WDHD1: variants seen among roughly 807,000 people sequenced by gnomAD.
WDHD1 encodes the protein WD repeat and HMG-box DNA binding protein 1.
WDHD1 carries 111 observed loss-of-function variants against 135.4 expected under a neutral mutation model. The ratio of observed to expected loss-of-function variants is 0.82; its 90% CI spans 0.70 to 0.96. WDHD1 has a LOEUF of 0.96. Among genes scored for constraint, WDHD1 ranks in the 40% least tolerant of loss-of-function variants. WDHD1 has a pLI of 0.00. For synonymous variants in WDHD1, 434 were observed against 439.0 expected (o/e 0.99, Z 0.14); for missense variants, 1,351 against 1,336.3 (o/e 1.01, Z -0.17).
rs368129551 is a variant in WDHD1 at position 55,010,488 on chromosome 14, T to G, written c.190-28A>C. ...AAAAGAAAAATTAAGGTAAGAAACA[T>G]TAGCAAAACAAATCCAAATGACTGG... On this transcript the variant is annotated intron_variant, in intron 3 of 25. Transcript: ENST00000360586. 2.2e-4 allele frequency: 338 copies of G among 1,513,600 alleles called. No individual in the cohort carries two copies. The African/African-American group carries it at 4.3e-3, about 19-fold the overall frequency. 93.8% of individuals were successfully genotyped at this position (1,513,600 alleles called of 1,614,324 possible).
At chr14:54,963,838 G>GTGC (rs1180280505) in intron 18 of WDHD1, among the ~76,000 whole-genome samples, 1 of 151,288 alleles carries the variant, frequency 6.6e-6, no homozygotes, top group Non-Finnish European at 1.5e-5. Flanking sequence ...GGGGCCAGGT[G>GTGC]TGCTGGCTCA....
At chr14:55,006,490 T>A (rs1406610514) in intron 7 of WDHD1, among the ~76,000 whole-genome samples, 3 of 152,240 alleles carry the variant, frequency 2.0e-5, no homozygotes, top group African/African-American at 7.2e-5. Flanking sequence ...TGCTTCCAGT[T>A]ACCTTACTAA....
intron 13 of WDHD1, 84 bp from the exon 14 acceptor site, chr14:54,987,471 CA>C: frequency 2.4e-6 from 3 of 1,235,810 alleles, no homozygotes; most frequent in East Asian, 2.6e-5. Flanking sequence ...TGATATTCAA[CA>C]AAAAAACCAA....
At chr14:54,988,891 G>A in intron 13 of WDHD1, 137 bp downstream of exon 13, 5 of 685,784 alleles carry the variant, frequency 7.3e-6, no homozygotes, top group Non-Finnish European at 1.2e-5. Flanking sequence ...TGGGTGTGCT[G>A]GTGTTTGTAC....
intron 11 of WDHD1, among the ~76,000 whole-genome samples, chr14:54,991,892 G>A (rs568048667): frequency 6.6e-6 from 1 of 152,222 alleles, no homozygotes; most frequent in East Asian, 1.9e-4. Flanking sequence ...ACATTTTCTT[G>A]TAAATGAATG....
intron 24 of WDHD1, among the ~76,000 whole-genome samples, chr14:54,946,871 C>T (rs2040935040): frequency 6.6e-6 from 1 of 151,680 alleles, no homozygotes; most frequent in Non-Finnish European, 1.5e-5. Flanking sequence ...TGGCAAACTC[C>T]ATCTCTACCA....
At chr14:54,988,500 C>CA (rs1242667391) in intron 13 of WDHD1, among the ~76,000 whole-genome samples, 1 of 152,084 alleles carries the variant, frequency 6.6e-6, no homozygotes, top group African/African-American at 2.4e-5. Context: ...TGTGTATATA[C>CA]ACCTTTGTCA....
intron 21 of WDHD1, among the ~76,000 whole-genome samples, chr14:54,961,977 C>T (rs999278658): frequency 6.6e-6 from 1 of 152,100 alleles, no homozygotes; most frequent in African/African-American, 2.4e-5. Flanking sequence ...GCTGGGATTA[C>T]AGGCACATAC....
At chr14:54,974,042 G>A (rs1156964888) in intron 16 of WDHD1, among the ~76,000 whole-genome samples, 3 of 151,678 alleles carry the variant, frequency 2.0e-5, no homozygotes, top group South Asian at 2.1e-4. Flanking sequence ...TTTTGATGAC[G>A]ACGGAGTTTC....
intron 24 of WDHD1, among the ~76,000 whole-genome samples, chr14:54,954,417 TACA>T (rs1417747375): frequency 6.6e-6 from 1 of 152,232 alleles, no homozygotes; most frequent in Non-Finnish European, 1.5e-5. Context: ...TATAAAATGA[TACA>T]ACATCAATGC....
In WDHD1 at chr14:55,008,672, TTC is replaced by T. The variant is rs769016883; in HGVS notation, c.387_388del (p.Lys130AsnfsTer6). On this transcript the variant is annotated frameshift_variant, in exon 5 of 26. Transcript: ENST00000360586. LOFTEE classifies it high-confidence loss of function. ...AGGGGCATCATGTCCTCGAAATGTT[TTC>T]TGTTGGCTGCTATCCATCACATCCA... 1 of 1,613,552 alleles carries T rather than the reference TTC, an allele frequency of 6.2e-7. No homozygotes were observed. The highest frequency in any genetic ancestry group is 8.5e-7 in the Non-Finnish European group (1 of 1,179,892).
chr14:54,988,682 T>C (rs1327059431), intron 13 of WDHD1, among the ~76,000 whole-genome samples: 1 of 151,462 alleles, frequency 6.6e-6, no homozygotes, highest in Non-Finnish European at 1.5e-5. Context: ...GAAACTTCTA[T>C]ACTGTATACT....
At chr14:55,002,969 G>C (rs1423295442) in intron 7 of WDHD1, among the ~76,000 whole-genome samples, 1 of 152,002 alleles carries the variant, frequency 6.6e-6, no homozygotes, top group Non-Finnish European at 1.5e-5. Flanking sequence ...AATAAAGACA[G>C]AATCCTTCAA....
At chr14:54,957,922 T>C (rs1309509540) in intron 21 of WDHD1, among the ~76,000 whole-genome samples, 2 of 152,186 alleles carry the variant, frequency 1.3e-5, no homozygotes, top group Non-Finnish European at 2.9e-5. Flanking sequence ...CTAAGGTTAG[T>C]AATCCCTTTA....
chr14:54,995,461 C>CA (rs973635034), intron 11 of WDHD1, 142 bp downstream of exon 11: 16 of 588,998 alleles, frequency 2.7e-5, no homozygotes, highest in Non-Finnish European at 3.8e-5. Context: ...CCTTTTTTAA[C>CA]AAAGTCATTT....
At chr14:54,980,836 C>T (rs2041607551) in intron 16 of WDHD1, among the ~76,000 whole-genome samples, 1 of 136,714 alleles carries the variant, frequency 7.3e-6, no homozygotes, top group African/African-American at 2.9e-5. Context: ...CTCAGCTGGG[C>T]GTGGTGGCTC....
chr14:55,001,482 C>T lies in WDHD1; in HGVS notation c.694-490G>A, dbSNP rs115338846. 5.4e-3 allele frequency among the ~76,000 whole-genome samples: 813 copies of T among 151,946 alleles called. 10 individuals are homozygous for T. The highest frequency in any genetic ancestry group is 0.019 in the African/African-American group (768 of 41,448). On this transcript the variant is annotated intron_variant, in intron 8 of 25. Coordinates refer to ENST00000360586, the MANE Select transcript of WDHD1 (RefSeq NM_007086.4). ...CTTCTTTTGTTGCCCAAGTTGGTTT[C>T]GGATTCCTGGCCTCAAGCAATCCTC...
At chr14:55,004,180 C>T (rs1404682659) in intron 7 of WDHD1, among the ~76,000 whole-genome samples, 1 of 152,090 alleles carries the variant, frequency 6.6e-6, no homozygotes, top group Non-Finnish European at 1.5e-5. Flanking sequence ...CAAGATGGTC[C>T]TCAAAGATTC....
intron 11 of WDHD1, among the ~76,000 whole-genome samples, chr14:54,994,384 TGTGA>T (rs2041842989): frequency 6.6e-6 from 1 of 152,180 alleles, no homozygotes; most frequent in African/African-American, 2.4e-5. Context: ...AGACATATAA[TGTGA>T]GTTACAGCTG....
Sources: allele counts gnomAD v4.1 joint callset (sites outside exome capture counted in the v4.1 genomes callset), GRCh38; gene constraint gnomAD v4.1.1; transcripts MANE v1.5; gene names NCBI Gene and HGNC (gene_info 2026-07-23, HGNC 2026-07-21).